The following IAH1 variants were observed in gnomAD, a reference collection of about 807,000 sequenced individuals.
IAH1 encodes the protein isoamyl acetate-hydrolyzing esterase 1 homolog.
A neutral mutation model predicts 26.7 loss-of-function variants in IAH1; 24 were observed. That is an observed-to-expected ratio of 0.90 (90% CI 0.65 to 1.26). The LOEUF (loss-of-function observed/expected upper bound fraction) is 1.26. IAH1 is among the 50% of genes most tolerant of loss of function. The pLI is 0.00. For synonymous variants in IAH1, 140 were observed against 118.5 expected (o/e 1.18, Z -1.18); for missense variants, 300 against 299.9 (o/e 1.00, Z 0.00).
chr2:9,479,960 C>T (rs1661069668), intron 3 of IAH1, among the ~76,000 whole-genome samples: 1 of 151,802 alleles, frequency 6.6e-6, no homozygotes, highest in Non-Finnish European at 1.5e-5. Flanking sequence ...AGGCGCTCGC[C>T]ACCACGCCTG....
In IAH1 at chr2:9,479,965, C is replaced by T. The variant is rs370055915; in HGVS notation, c.284-1321C>T. ...CTGGGATTATAGGCGCTCGCCACCACGCCTGGCTAATTTTTGTATTTTTAG... is the reference window on the plus strand; with the variant it reads ...CTGGGATTATAGGCGCTCGCCACCATGCCTGGCTAATTTTTGTATTTTTAG... On this transcript the variant is annotated intron_variant, in intron 3 of 5. Coordinates refer to ENST00000497473, the MANE Select transcript of IAH1 (RefSeq NM_001039613.3). 4.6e-3 allele frequency among the ~76,000 whole-genome samples: 693 copies of T among 151,918 alleles called. 5 individuals are homozygous for T. Among genetic ancestry groups the T allele is most frequent in the African/African-American group, 0.015 (638 of 41,426 alleles).
At chr2:9,494,253 A>G (rs1426264323), downstream of IAH1, among the ~76,000 whole-genome samples, 1 of 152,236 alleles carries the variant, frequency 6.6e-6, no homozygotes, top group Non-Finnish European at 1.5e-5. Context: ...TAAGTCAAGC[A>G]GCCTTCTAGG....
downstream of IAH1, among the ~76,000 whole-genome samples, chr2:9,491,559 G>GC (rs1220030153): frequency 6.6e-6 from 1 of 151,464 alleles, no homozygotes; most frequent in Non-Finnish European, 1.5e-5. Context: ...TGGGCCTGCA[G>GC]CATTCTTCGC....
the IAH1 span, among the ~76,000 whole-genome samples, chr2:9,510,509 C>G: frequency 6.6e-6 from 1 of 151,946 alleles, no homozygotes; most frequent in Non-Finnish European, 1.5e-5. Flanking sequence ...ACTAAAAATA[C>G]AAAAATTAGC....
In IAH1 at chr2:9,474,629, C is replaced by T. The variant is rs571487863; in HGVS notation, c.63C>T (p.Phe21=). 5.6e-4 allele frequency: 868 copies of T among 1,557,154 alleles called. 13 individuals carry two copies. The South Asian group carries it at 9.4e-3, about 17-fold the overall frequency. The change falls in exon 1 of 6, where the codon TTC becomes TTT. Residue 21 remains phenylalanine (F), a synonymous_variant. Transcript: ENST00000497473. The surrounding 1 kb of genome is among the most constrained non-coding windows in gnomAD (Gnocchi z 4.3). The part of the protein sequence containing the change: ...SALLWPRLLL[F]GDSITQFSFQ... ...TGCTCTGGCCTCGCTTGTTGCTCTT[C>T]GGGGACTCCATCACCCAGGTACGGC...
At chr2:9,502,347 T>TA in the IAH1 span, 1 of 1,347,674 alleles carries the variant, frequency 7.4e-7, no homozygotes, top group East Asian at 2.3e-5. Flanking sequence ...ACGCTACAGT[T>TA]ACGTTACAGT....
At chr2:9,486,951 G>C (rs557292372) in intron 5 of IAH1, 15 of 152,252 alleles carry the variant, frequency 9.9e-5, no homozygotes, top group Admixed American at 9.8e-4. Flanking sequence ...ATAGTTCAGG[G>C]CCTGGTATGG....
downstream of IAH1, chr2:9,493,024 T>C: frequency 6.6e-7 from 1 of 1,516,170 alleles, no homozygotes; most frequent in South Asian, 1.2e-5. Context: ...CTTGACCAAG[T>C]ACTTCACAAA....
At chr2:9,490,958 T>C (rs1662088832), downstream of IAH1, 1 of 691,740 alleles carries the variant, frequency 1.4e-6, no homozygotes, top group Non-Finnish European at 2.4e-6. Context: ...GTCAGAAGGG[T>C]AAACATTCCA....
At chr2:9,499,371 T>C (rs1401073272), downstream of IAH1, among the ~76,000 whole-genome samples, 3 of 152,170 alleles carry the variant, frequency 2.0e-5, no homozygotes, top group Non-Finnish European at 4.4e-5. Context: ...TCTTTAAAGC[T>C]TGATTTAGAT....
chr2:9,478,443 T>C, intron 3 of IAH1, 73 bp downstream of exon 3: 2 of 1,400,468 alleles, frequency 1.4e-6, no homozygotes, highest in Non-Finnish European at 1.9e-6. Context: ...GCATTTAATA[T>C]ACTTTTTTCA....
downstream of IAH1, among the ~76,000 whole-genome samples, chr2:9,499,389 T>C (rs567717408): frequency 6.6e-6 from 1 of 152,206 alleles, no homozygotes; most frequent in East Asian, 1.9e-4. Flanking sequence ...GATATTCAGG[T>C]TCCTAACATT....
At position 9,484,414 on chromosome 2, in the gene IAH1, A is replaced by G. The variant is rs1268200609; in HGVS notation, c.446-18A>G. On this transcript the variant is annotated intron_variant, in intron 4 of 5. Coordinates refer to ENST00000497473, the MANE Select transcript of IAH1 (RefSeq NM_001039613.3). Reference sequence around the variant, plus strand: ...CTTGGGTTTACCAACTGCCACCTCTATTTCTTCTCTTCAATAGGTTGCAAA... The same window carrying G: ...CTTGGGTTTACCAACTGCCACCTCTGTTTCTTCTCTTCAATAGGTTGCAAA... 4.4e-6 allele frequency: 7 copies of G among 1,593,980 alleles called. No homozygotes were observed. The Admixed American group carries it at 5.0e-5, about 11-fold the overall frequency.
chr2:9,473,957 G>A (rs1252520256), upstream of IAH1: 1 of 152,272 alleles, frequency 6.6e-6, no homozygotes, highest in Non-Finnish European at 1.5e-5. Flanking sequence ...AAGTTAGTCA[G>A]TGCTCCGTGT....
chr2:9,490,601 A>G (rs1662053592), downstream of IAH1: 2 of 1,367,504 alleles, frequency 1.5e-6, no homozygotes, highest in East Asian at 5.0e-5. Context: ...CCCATCAAAC[A>G]GCCTCTTATT....
chr2:9,480,324 G>A (rs1156869593), intron 3 of IAH1, among the ~76,000 whole-genome samples: 1 of 152,128 alleles, frequency 6.6e-6, no homozygotes, highest in South Asian at 2.1e-4. Flanking sequence ...GCAACAGAGT[G>A]AGACTCTGTC....
chr2:9,474,500 C>A, upstream of IAH1: 1 of 989,610 alleles, frequency 1.0e-6, no homozygotes, highest in South Asian at 2.2e-5. The surrounding 1 kb of genome is among the most constrained non-coding windows in gnomAD (Gnocchi z 4.3). Context: ...TCCCGCAACC[C>A]ACGGGCGGCC....
chr2:9,475,138 C>T (rs1682407895), intron 1 of IAH1: 1 of 1,280,106 alleles, frequency 7.8e-7, no homozygotes, highest in South Asian at 1.3e-5. Flanking sequence ...AAAACGCCTT[C>T]AGGAATTAGG....
chr2:9,477,810 A>G (rs1444292228), intron 2 of IAH1, among the ~76,000 whole-genome samples: 1 of 152,216 alleles, frequency 6.6e-6, no homozygotes, highest in Non-Finnish European at 1.5e-5. Flanking sequence ...AATCTCAAAT[A>G]TTCTATAGAC....
Sources: gnomAD v4.1 joint callset for allele counts (sites outside exome capture counted in the v4.1 genomes callset) on GRCh38, gnomAD v4.1.1 for gene constraint, Gnocchi (gnomAD v3.1) non-coding constraint, MANE v1.5 for transcripts, NCBI Gene and HGNC (gene_info 2026-07-23, HGNC 2026-07-21) for gene names.